ANKS1B: variants seen among roughly 807,000 people sequenced by gnomAD.
The protein encoded by ANKS1B is ankyrin repeat and sterile alpha motif domain-containing protein 1B.
A neutral mutation model predicts 148.3 loss-of-function variants in ANKS1B; 36 were observed. The ratio of observed to expected loss-of-function variants is 0.24; its 90% CI spans 0.19 to 0.32. The LOEUF (loss-of-function observed/expected upper bound fraction) is 0.32. Among genes scored for constraint, ANKS1B ranks in the 10% least tolerant of loss-of-function variants. The probability of loss-of-function intolerance (pLI) is 1.00; values close to 1 mark genes in which losing one functional copy is unlikely to be tolerated. For synonymous variants in ANKS1B, 542 were observed against 560.8 expected (o/e 0.97, Z 0.47); for missense variants, 1,157 against 1,542.6 (o/e 0.75, Z 4.19).
chr12:99,084,780 T>A (rs867511617), intron 16 of ANKS1B, 145 bp downstream of exon 16: 12 of 607,904 alleles, frequency 2.0e-5, no homozygotes, highest in South Asian at 1.2e-4. Flanking sequence ...TAAGTCTGAA[T>A]GTGCAGTTGG....
chr12:99,127,598 C>T (rs2064796306), intron 15 of ANKS1B, among the ~76,000 whole-genome samples: 1 of 152,226 alleles, frequency 6.6e-6, no homozygotes, highest in Admixed American at 6.5e-5. Flanking sequence ...TTGTTTTCCT[C>T]TGGGAAGGAA....
At chr12:99,367,834 T>C (rs1212041104) in intron 12 of ANKS1B, among the ~76,000 whole-genome samples, 2 of 151,876 alleles carry the variant, frequency 1.3e-5, no homozygotes, top group African/African-American at 4.8e-5. Context: ...TTAAAAATGA[T>C]AACATAGCGG....
intron 9 of ANKS1B, chr12:99,649,408 A>G: frequency 6.3e-7 from 1 of 1,596,368 alleles, no homozygotes; most frequent in Admixed American, 1.7e-5. Context: ...AATCCAACAT[A>G]CCTCCCACAT....
intron 1 of ANKS1B, among the ~76,000 whole-genome samples, chr12:99,928,853 G>GGTACTAC (rs2094541326): frequency 6.6e-6 from 1 of 152,026 alleles, no homozygotes; most frequent in African/African-American, 2.4e-5. Context: ...ACTACGAAAG[G>GGTACTAC]GAATCAGATA....
At chr12:99,118,716 C>A (rs2061991521) in intron 15 of ANKS1B, among the ~76,000 whole-genome samples, 1 of 152,100 alleles carries the variant, frequency 6.6e-6, no homozygotes, top group Non-Finnish European at 1.5e-5. Context: ...TGCACATATA[C>A]ACAAAGAAAG....
intron 17 of ANKS1B, among the ~76,000 whole-genome samples, chr12:98,871,023 C>T (rs2099665308): frequency 6.6e-6 from 1 of 152,180 alleles, no homozygotes; most frequent in Non-Finnish European, 1.5e-5. Flanking sequence ...TTCTTCCCAC[C>T]TCTTTGAATT....
At chr12:99,474,502 A>T (rs1033242580) in intron 10 of ANKS1B, among the ~76,000 whole-genome samples, 11 of 152,116 alleles carry the variant, frequency 7.2e-5, no homozygotes, top group African/African-American at 2.2e-4. Context: ...GGGGCTAAAA[A>T]GTTAGACACA....
At chr12:99,102,512 G>A (rs531727079) in intron 15 of ANKS1B, among the ~76,000 whole-genome samples, 3 of 152,188 alleles carry the variant, frequency 2.0e-5, no homozygotes, top group Admixed American at 6.5e-5. Context: ...GGGAGGCTAA[G>A]ATAGGCAGAT....
At chr12:99,775,718 A>G (rs2063585059) in intron 6 of ANKS1B, 57 bp from the exon 7 acceptor site, 1 of 1,029,744 alleles carries the variant, frequency 9.7e-7, no homozygotes, top group Middle Eastern at 2.2e-4. Context: ...TAAAATCAAT[A>G]AATTTTAAGT....
At position 99,401,251 on chromosome 12, in the gene ANKS1B, A is replaced by G. The variant is rs190784730; in HGVS notation, c.1576-1440T>C. Among the ~76,000 whole-genome samples the G allele has an allele frequency of 1.9e-3, 277 of 146,104 alleles. 41 individuals carry two copies. Among genetic ancestry groups the G allele is most frequent in the African/African-American group, 7.0e-3 (270 of 38,622 alleles). On this transcript the variant is annotated intron_variant, in intron 11 of 26. Transcript: ENST00000683438. ...TTCTCATGAAATGTCTGTCCTTGGGACTGCTGAATCTCAATTTCACATTCA... is the reference window on the plus strand; with the variant it reads ...TTCTCATGAAATGTCTGTCCTTGGGGCTGCTGAATCTCAATTTCACATTCA...
chr12:99,337,018 A>G (rs1284331609), intron 12 of ANKS1B, among the ~76,000 whole-genome samples: 1 of 152,018 alleles, frequency 6.6e-6, no homozygotes, highest in East Asian at 1.9e-4. Flanking sequence ...GTATTCTATC[A>G]CTTTTTTGTA....
chr12:98,792,830 A>G (rs758771534), intron 22 of ANKS1B, among the ~76,000 whole-genome samples: 1 of 152,168 alleles, frequency 6.6e-6, no homozygotes, highest in Non-Finnish European at 1.5e-5. Flanking sequence ...TACATATACC[A>G]CATTTTCTTT....
chr12:99,907,812 T>TAAAAAAAAAAAAAAAAAAAAAAAAA (rs751468199), intron 1 of ANKS1B, among the ~76,000 whole-genome samples: 1 of 100,158 alleles, frequency 1.0e-5, no homozygotes, highest in South Asian at 3.9e-4. Context: ...GAGAAATTCT[T>TAAAAAAAAAAAAAAAAAAAAAAAAA]AAAAAAAAAA....
chr12:99,810,461 T>G (rs1485524302), intron 3 of ANKS1B, among the ~76,000 whole-genome samples: 1 of 151,950 alleles, frequency 6.6e-6, no homozygotes, highest in Non-Finnish European at 1.5e-5. Context: ...TCAAAAAATT[T>G]AGGAGAAATG....
At chr12:99,375,690 T>G (rs573475839) in intron 12 of ANKS1B, among the ~76,000 whole-genome samples, 1 of 152,030 alleles carries the variant, frequency 6.6e-6, no homozygotes, top group African/African-American at 2.4e-5. Flanking sequence ...AAAAAAACCC[T>G]AAATACAATA....
intron 12 of ANKS1B, among the ~76,000 whole-genome samples, chr12:99,371,916 T>C (rs1009905473): frequency 6.6e-6 from 1 of 152,144 alleles, no homozygotes; most frequent in African/African-American, 2.4e-5. Flanking sequence ...ACTGAAGACA[T>C]TTAACTACGT....
At chr12:99,736,310 C>T (rs2059611264) in intron 8 of ANKS1B, among the ~76,000 whole-genome samples, 3 of 151,928 alleles carry the variant, frequency 2.0e-5, no homozygotes, top group Non-Finnish European at 2.9e-5. Flanking sequence ...GTAAAATTGT[C>T]CCTCTTTGCA....
intron 9 of ANKS1B, among the ~76,000 whole-genome samples, chr12:99,602,860 C>A (rs1248110840): frequency 6.6e-6 from 1 of 152,002 alleles, no homozygotes; most frequent in Non-Finnish European, 1.5e-5. Context: ...GATATGGACC[C>A]TCAAAAACAA....
intron 14 of ANKS1B, among the ~76,000 whole-genome samples, chr12:99,174,870 T>A (rs116685090): frequency 6.6e-6 from 1 of 152,216 alleles, no homozygotes; most frequent in Non-Finnish European, 1.5e-5. Flanking sequence ...GAAATAGTCA[T>A]TGAATTCCTC....
Sources: allele counts gnomAD v4.1 joint callset (sites outside exome capture counted in the v4.1 genomes callset), GRCh38; gene constraint gnomAD v4.1.1; transcripts MANE v1.5; gene names NCBI Gene and HGNC (gene_info 2026-07-23, HGNC 2026-07-21).